The following MUSK variants were observed in gnomAD, a reference collection of about 807,000 sequenced individuals.
MUSK encodes the protein muscle, skeletal receptor tyrosine-protein kinase.
Under a neutral mutation model 88.7 loss-of-function variants are expected in MUSK, and 55 were observed. The observed-to-expected ratio is 0.62, with a 90% CI of 0.50 to 0.78. The LOEUF is 0.78. Among genes scored for constraint, MUSK ranks in the 30% least tolerant of loss-of-function variants. MUSK has a pLI of 0.00. For missense variants in MUSK, 1,015 were observed against 1,074.3 expected (o/e 0.94, Z 0.77); for synonymous variants, 387 against 391.9 (o/e 0.99, Z 0.15).
intron 3 of MUSK, among the ~76,000 whole-genome samples, chr9:110,692,633 CATATTATGA>C (rs1407736778): frequency 1.3e-5 from 2 of 151,124 alleles, no homozygotes. Flanking sequence ...ACTTTTTCTT[CATATTATGA>C]ATGTGGTCTC....
intron 3 of MUSK, among the ~76,000 whole-genome samples, chr9:110,688,369 T>C (rs73536297): frequency 0.022 from 3,413 of 152,222 alleles, 127 homozygotes; most frequent in African/African-American, 0.078. Flanking sequence ...TTTTTCAATT[T>C]TAAGGCTCAT....
chr9:110,765,191 A>G (rs1255978021), intron 8 of MUSK, among the ~76,000 whole-genome samples: 2 of 152,236 alleles, frequency 1.3e-5, no homozygotes, highest in African/African-American at 4.8e-5. Context: ...TAGTTAACAC[A>G]TGACAGCAAA....
intron 6 of MUSK, among the ~76,000 whole-genome samples, chr9:110,745,105 G>C (rs1013116565): frequency 6.6e-6 from 1 of 152,174 alleles, no homozygotes; most frequent in African/African-American, 2.4e-5. Context: ...CTGGAAGCAG[G>C]GGGAAAAGCA....
At chr9:110,799,979 G>T (rs543385172) in intron 14 of MUSK, among the ~76,000 whole-genome samples, 42 of 152,234 alleles carry the variant, frequency 2.8e-4, no homozygotes, top group Admixed American at 1.7e-3. Flanking sequence ...CCAGAGAACT[G>T]ATACACCATG....
chr9:110,678,556 A>C (rs998732064), intron 1 of MUSK, among the ~76,000 whole-genome samples: 5 of 152,026 alleles, frequency 3.3e-5, no homozygotes, highest in African/African-American at 1.2e-4. Flanking sequence ...TTGCTAATCT[A>C]ATCTTTTTCT....
rs1009648266 is a variant in MUSK, at chr9:110,784,850, G to A, written c.1420G>A (p.Asp474Asn). The part of the protein sequence containing the change: ...PPMTSSKPSV[D>N]IPNLPSSSSS... Reference sequence around the variant, plus strand: ...AATGACGTCCTCAAAGCCAAGTGTGGACATTCCAAATCTGCCTTCCTCCTC... The same window carrying A: ...AATGACGTCCTCAAAGCCAAGTGTGAACATTCCAAATCTGCCTTCCTCCTC... The change falls in exon 12 of 15, where the codon GAC becomes AAC. Residue 474 changes from aspartate (D) to asparagine (N), a missense_variant. Physicochemically the swap from Asp to Asn is conservative, Grantham distance 23. Transcript: ENST00000374448. 7 of 1,613,390 alleles carry A rather than the reference G, an allele frequency of 4.3e-6. No homozygotes were observed. The East Asian group carries it at 6.7e-5, about 15-fold the overall frequency.
chr9:110,781,685 T>C (rs1245079370), intron 11 of MUSK, among the ~76,000 whole-genome samples: 2 of 152,194 alleles, frequency 1.3e-5, no homozygotes, highest in Non-Finnish European at 2.9e-5. Context: ...AAGTCCAAGA[T>C]CAAGGTGCCA....
intron 1 of MUSK, among the ~76,000 whole-genome samples, chr9:110,669,610 G>A (rs1247887477): frequency 6.6e-6 from 1 of 152,088 alleles, no homozygotes; most frequent in Non-Finnish European, 1.5e-5. Context: ...GAATGTACCG[G>A]AAATAACACC....
intron 3 of MUSK, among the ~76,000 whole-genome samples, chr9:110,689,815 T>C (rs2076286540): frequency 3.1e-5 from 3 of 95,402 alleles, no homozygotes; most frequent in African/African-American, 1.3e-4. Context: ...TATAACTATA[T>C]ATTTAAATAT....
chr9:110,693,539 A>G (rs1194033194), intron 3 of MUSK, among the ~76,000 whole-genome samples: 2 of 152,238 alleles, frequency 1.3e-5, no homozygotes, highest in African/African-American at 4.8e-5. Context: ...TCCTGCTTTA[A>G]GGTGACCAGT....
chr9:110,762,456 A>G (rs1461726864), intron 8 of MUSK, among the ~76,000 whole-genome samples: 1 of 152,220 alleles, frequency 6.6e-6, no homozygotes, highest in Non-Finnish European at 1.5e-5. Flanking sequence ...GGTAACCTCT[A>G]CTGAATACTT....
intron 3 of MUSK, among the ~76,000 whole-genome samples, chr9:110,691,680 T>C (rs934830059): frequency 4.6e-5 from 7 of 152,172 alleles, no homozygotes; most frequent in African/African-American, 1.7e-4. Context: ...CTTATAACCA[T>C]ACATACGGGC....
chr9:110,785,707 G>A lies in MUSK; in HGVS notation c.1767G>A (p.Val589=). 6.3e-7 allele frequency: 1 copy of A among 1,598,086 alleles called. No homozygotes were observed. The highest frequency in any genetic ancestry group is 8.5e-7 in the Non-Finnish European group (1 of 1,171,132). ...RDIGEGAFGR[V]FQARAPGLLP... ...TCGGAGAGGGAGCGTTTGGAAGGGT[G>A]TTTCAAGCAAGGTAAAGTTACCTAT... The change falls in exon 13 of 15, where the codon GTG becomes GTA. Residue 589 remains valine (V), a synonymous_variant. Coordinates refer to ENST00000374448, the MANE Select transcript of MUSK (RefSeq NM_005592.4).
chr9:110,786,310 C>CAAAAA (rs60666436), intron 13 of MUSK, among the ~76,000 whole-genome samples: 3 of 75,482 alleles, frequency 4.0e-5, no homozygotes, highest in Admixed American at 1.5e-4. Flanking sequence ...GACTCTGTCT[C>CAAAAA]AAAAAAAAAA....
chr9:110,686,764 T>C (rs2076201429), intron 2 of MUSK, among the ~76,000 whole-genome samples: 1 of 152,174 alleles, frequency 6.6e-6, no homozygotes, highest in South Asian at 2.1e-4. Flanking sequence ...ATGTTCTTTA[T>C]CTATTAATAG....
Position 110,755,979 on chromosome 9 carries a change from C to CGTATATATATACATATATATATATACGT in MUSK, c.914-6223_914-6222insGTATATATATACATATATATATATACGT, listed in dbSNP as rs111630775. On this transcript the variant is annotated intron_variant, in intron 7 of 14. Transcript: ENST00000374448. ...ATATATATATACATATATATATATACATATATATATATATATATGAATTTA... is the reference window on the plus strand; with the variant it reads ...ATATATATATACATATATATATATACGTATATATATACATATATATATATACGTATATATATATATATATATGAATTTA... Among the ~76,000 whole-genome samples, 31 of 102,512 alleles carry CGTATATATATACATATATATATATACGT rather than the reference C, an allele frequency of 3.0e-4. 1 individual carries two copies. The highest frequency in any genetic ancestry group is 4.5e-4 in the Admixed American group (4 of 8,840). The allele number at this position is 102,512 out of a possible 152,430, so 67.3% of individuals were successfully genotyped here. A position where few individuals can be genotyped will look rare whatever the true frequency, so the allele number is the denominator to read the frequency against.
At chr9:110,680,492 T>C (rs1242751071) in intron 1 of MUSK, among the ~76,000 whole-genome samples, 1 of 151,612 alleles carries the variant, frequency 6.6e-6, no homozygotes, top group Admixed American at 6.6e-5. Context: ...CAAGCGATTA[T>C]AGTACTTCAG....
chr9:110,767,382 T>C (rs1465454681), intron 8 of MUSK, among the ~76,000 whole-genome samples: 1 of 152,224 alleles, frequency 6.6e-6, no homozygotes. Flanking sequence ...AACACATAAA[T>C]AAACTATGTT....
rs1293186431 is a variant in MUSK, at chr9:110,681,061, A to ATTATATATAT, written c.80-1612_80-1611insTATATATATT. ...TTATATAATATATATTATATATTAT[A>ATTATATATAT]TATATAATATTATATATATTATATA... On this transcript the variant is annotated intron_variant, in intron 1 of 14. Transcript: ENST00000374448. Among the ~76,000 whole-genome samples the ATTATATATAT allele has an allele frequency of 5.8e-4, 14 of 24,160 alleles. 1 individual carries two copies. The South Asian group carries it at 7.3e-3, about 13-fold the overall frequency. The allele number at this position is 24,160 out of a possible 152,430, so 15.8% of individuals were successfully genotyped here. A position where few individuals can be genotyped will look rare whatever the true frequency, so the allele number is the denominator to read the frequency against.
Sources: gnomAD v4.1 joint callset for allele counts (sites outside exome capture counted in the v4.1 genomes callset) on GRCh38, gnomAD v4.1.1 for gene constraint, MANE v1.5 for transcripts, NCBI Gene and HGNC (gene_info 2026-07-23, HGNC 2026-07-21) for gene names.